The following SSBP2 variants were observed in gnomAD, a reference collection of about 807,000 sequenced individuals.
The protein encoded by SSBP2 is single-stranded DNA-binding protein 2.
In SSBP2, 17 loss-of-function variants were observed where a neutral mutation model predicts 61.8. The observed-to-expected ratio is 0.28, with a 90% CI of 0.19 to 0.41. SSBP2 has a LOEUF of 0.41. Among genes scored for constraint, SSBP2 ranks in the 10% least tolerant of loss-of-function variants. SSBP2 has a pLI of 1.00. For synonymous variants in SSBP2, 139 were observed against 141.3 expected, an observed-to-expected ratio of 0.98 and a Z score of 0.12; for missense variants, 310 against 458.7, an observed-to-expected ratio of 0.68 and a Z score of 2.96.
chr5:81,588,236 C>T (rs932868191), intron 4 of SSBP2, among the ~76,000 whole-genome samples: 1 of 152,078 alleles, frequency 6.6e-6, no homozygotes, highest in Non-Finnish European at 1.5e-5. Context: ...AGCCACCATG[C>T]CTGGCTGAAA....
At chr5:81,600,492 G>T (rs1259879031) in intron 4 of SSBP2, among the ~76,000 whole-genome samples, 1 of 149,274 alleles carries the variant, frequency 6.7e-6, no homozygotes. Flanking sequence ...AACCCAGGAG[G>T]TGCAGGTTGC....
chr5:81,694,441 A>G lies in SSBP2; in HGVS notation c.63-44102T>C, dbSNP rs189149116. Among the ~76,000 whole-genome samples the G allele has an allele frequency of 1.1e-4, 16 of 152,312 alleles. 1 individual carries two copies. In the East Asian group the frequency reaches 3.1e-3, roughly 29 times the overall value. On this transcript the variant is annotated intron_variant, in intron 1 of 16. Coordinates refer to ENST00000320672, the MANE Select transcript of SSBP2 (RefSeq NM_012446.5). ...CACATTATCTCAAGTATATACACCTACTATGTACCCACAAAAATTAACAAT... is the reference window on the plus strand; with the variant it reads ...CACATTATCTCAAGTATATACACCTGCTATGTACCCACAAAAATTAACAAT...
At chr5:81,549,521 A>C (rs766415674) in intron 4 of SSBP2, among the ~76,000 whole-genome samples, 13 of 152,182 alleles carry the variant, frequency 8.5e-5, no homozygotes, top group Non-Finnish European at 1.6e-4. Flanking sequence ...TATATGCAAT[A>C]ATCTTGTGCT....
chr5:81,720,515 T>C (rs1198012540), intron 1 of SSBP2, among the ~76,000 whole-genome samples: 1 of 152,222 alleles, frequency 6.6e-6, no homozygotes, highest in African/African-American at 2.4e-5. Context: ...TTTCAAGTTA[T>C]ACTATTAGCT....
chr5:81,673,582 C>A (rs1751747232), intron 1 of SSBP2, among the ~76,000 whole-genome samples: 1 of 151,918 alleles, frequency 6.6e-6, no homozygotes, highest in African/African-American at 2.4e-5. Context: ...CCTTAAAATG[C>A]ATTAATAGAC....
chr5:81,710,575 A>G (rs1460756361), intron 1 of SSBP2: 1 of 395,608 alleles, frequency 2.5e-6, no homozygotes, highest in Non-Finnish European at 4.9e-6. Flanking sequence ...AGGTAGAAAT[A>G]ACTAGAGGGG....
chr5:81,510,464 A>T (rs907663064), intron 5 of SSBP2, among the ~76,000 whole-genome samples: 7 of 152,116 alleles, frequency 4.6e-5, no homozygotes, highest in African/African-American at 7.2e-5. Flanking sequence ...GGCCACCATT[A>T]AATTTTACTT....
chr5:81,502,270 TG>T (rs1182145098), intron 5 of SSBP2, among the ~76,000 whole-genome samples: 1 of 152,230 alleles, frequency 6.6e-6, no homozygotes, highest in African/African-American at 2.4e-5. Context: ...TGGACACAGC[TG>T]ATCATTCTTC....
At chr5:81,427,520 T>C (rs150958760) in intron 16 of SSBP2, among the ~76,000 whole-genome samples, 160 of 152,222 alleles carry the variant, frequency 1.1e-3, no homozygotes, top group African/African-American at 3.7e-3. Context: ...TTGTATTCTG[T>C]TTTGGGAATG....
chr5:81,496,812 A>G (rs2154064769), intron 5 of SSBP2, among the ~76,000 whole-genome samples: 1 of 151,982 alleles, frequency 6.6e-6, no homozygotes, highest in African/African-American at 2.4e-5. Context: ...ACCCTGCCAT[A>G]GGAATACCTT....
chr5:81,604,474 T>G (rs1229199023), intron 4 of SSBP2, among the ~76,000 whole-genome samples: 1 of 152,044 alleles, frequency 6.6e-6, no homozygotes, highest in Non-Finnish European at 1.5e-5. Flanking sequence ...GAAAATCAAC[T>G]TTAATATGAA....
At chr5:81,746,940 C>T (rs1757381698) in intron 1 of SSBP2, among the ~76,000 whole-genome samples, 1 of 143,886 alleles carries the variant, frequency 6.9e-6, no homozygotes, top group Non-Finnish European at 1.5e-5. Flanking sequence ...TACTGTGTGG[C>T]TTTAAGTTCA....
At chr5:81,478,734 G>C (rs1765765952) in intron 6 of SSBP2, among the ~76,000 whole-genome samples, 1 of 152,132 alleles carries the variant, frequency 6.6e-6, no homozygotes, top group African/African-American at 2.4e-5. Flanking sequence ...GCTTCCCAAA[G>C]CGCTGGGATT....
At chr5:81,424,120 A>G (rs1761793161) in intron 16 of SSBP2, among the ~76,000 whole-genome samples, 2 of 152,030 alleles carry the variant, frequency 1.3e-5, no homozygotes, top group Admixed American at 6.6e-5. Flanking sequence ...CGCAATACAA[A>G]ACAACTCAGA....
intron 1 of SSBP2, among the ~76,000 whole-genome samples, chr5:81,684,923 G>T (rs185011593): frequency 6.6e-6 from 1 of 152,202 alleles, no homozygotes; most frequent in East Asian, 1.9e-4. Context: ...AGAATGATAT[G>T]GTTTGGATTT....
intron 4 of SSBP2, among the ~76,000 whole-genome samples, chr5:81,560,614 A>T (rs947255580): frequency 6.6e-6 from 1 of 152,180 alleles, no homozygotes; most frequent in Non-Finnish European, 1.5e-5. Context: ...TCCAGAGAGA[A>T]GCAGCTCTGG....
At position 81,452,246 on chromosome 5, in the gene SSBP2, G is replaced by A. The variant is rs140193677; in HGVS notation, c.688-3421C>T. ...ATGTTGTAGGAAATAAGGAGTCATGGGTTTTATAGAGACATGTTCAAATGT... is the reference window on the plus strand; with the variant it reads ...ATGTTGTAGGAAATAAGGAGTCATGAGTTTTATAGAGACATGTTCAAATGT... On this transcript the variant is annotated intron_variant, in intron 10 of 16. Coordinates refer to ENST00000320672, the MANE Select transcript of SSBP2 (RefSeq NM_012446.5). 2.8e-3 allele frequency among the ~76,000 whole-genome samples: 425 copies of A among 152,226 alleles called. 5 individuals are homozygous for A. The highest frequency in any genetic ancestry group is 9.3e-3 in the East Asian group (48 of 5,184).
Position 81,445,835 on chromosome 5 carries a change from ATAACTGATAGAGTTT to A in SSBP2, c.778+1018_778+1032del, listed in dbSNP as rs559684527. Among the ~76,000 whole-genome samples, 47 of 152,298 alleles carry A rather than the reference ATAACTGATAGAGTTT, an allele frequency of 3.1e-4. No individual in the cohort carries two copies. In the Middle Eastern group the frequency reaches 0.01, roughly 33 times the overall value. ...CCATCTACTTAATCATCCCAAAGTA[ATAACTGATAGAGTTT>A]TAGCCTATTTCTTTGTTTTCTACTT... is the stretch of plus-strand genomic sequence containing the variant. On this transcript the variant is annotated intron_variant, in intron 12 of 16. Coordinates refer to ENST00000320672, the MANE Select transcript of SSBP2 (RefSeq NM_012446.5).
intron 3 of SSBP2, among the ~76,000 whole-genome samples, chr5:81,634,039 C>T (rs1747975270): frequency 6.6e-6 from 1 of 152,190 alleles, no homozygotes; most frequent in South Asian, 2.1e-4. Flanking sequence ...GGACTTCCTC[C>T]TTGGCCAGGG....
Sources: allele counts gnomAD v4.1 joint callset (sites outside exome capture counted in the v4.1 genomes callset), GRCh38; gene constraint gnomAD v4.1.1; transcripts MANE v1.5; gene names NCBI Gene and HGNC (gene_info 2026-07-23, HGNC 2026-07-21).